CFAP20DC: variants seen among roughly 807,000 people sequenced by gnomAD.
CFAP20DC encodes CFAP20 domain containing, also known as protein CFAP20DC.
Under a neutral mutation model 101.7 loss-of-function variants are expected in CFAP20DC, and 84 were observed. The ratio of observed to expected loss-of-function variants is 0.83; its 90% confidence interval spans 0.69 to 0.99. The LOEUF (loss-of-function observed/expected upper bound fraction) is 0.99. Among genes scored for constraint, CFAP20DC ranks in the 50% least tolerant of loss-of-function variants. The pLI is 0.00. For synonymous variants in CFAP20DC, 359 were observed against 351.2 expected (o/e 1.02, Z -0.25); for missense variants, 1,007 against 970.3 (o/e 1.04, Z -0.50).
intron 4 of CFAP20DC, among the ~76,000 whole-genome samples, chr3:58,965,580 A>G (rs954538679): frequency 2.0e-5 from 3 of 152,202 alleles, no homozygotes; most frequent in Non-Finnish European, 2.9e-5. Flanking sequence ...TGAGCTTTAC[A>G]TAGTTGTAAA....
chr3:58,883,894 T>C lies in CFAP20DC; in HGVS notation c.715+651A>G, dbSNP rs1329320813. Among the ~76,000 whole-genome samples the C allele has an allele frequency of 2.0e-5, 3 of 152,192 alleles. No homozygotes were observed. The East Asian group carries it at 5.8e-4, about 29-fold the overall frequency. On this transcript the variant is annotated intron_variant, in intron 7 of 16. Transcript: ENST00000482387. ...TCTAGACAATATTAAATTTCTTCATTTGTAAGTACTACTCATTAATTTGGT... is the reference window on the plus strand; with the variant it reads ...TCTAGACAATATTAAATTTCTTCATCTGTAAGTACTACTCATTAATTTGGT...
intron 4 of CFAP20DC, among the ~76,000 whole-genome samples, chr3:58,962,924 T>TG (rs1389940815): frequency 6.6e-6 from 1 of 152,028 alleles, no homozygotes; most frequent in African/African-American, 2.4e-5. Flanking sequence ...GCCAGTCTAC[T>TG]GCTTGCCCCA....
At chr3:58,889,353 G>C (rs2081955245) in intron 6 of CFAP20DC, among the ~76,000 whole-genome samples, 2 of 152,064 alleles carry the variant, frequency 1.3e-5, no homozygotes, top group Admixed American at 6.5e-5. Flanking sequence ...ACCTAACCCA[G>C]TGGCCAATAG....
chr3:58,954,105 C>G (rs572324743), intron 4 of CFAP20DC, among the ~76,000 whole-genome samples: 2 of 152,296 alleles, frequency 1.3e-5, no homozygotes, highest in South Asian at 4.1e-4. Context: ...TTAACATCTA[C>G]ATTTGCAAAC....
downstream of CFAP20DC, chr3:58,741,955 G>A: frequency 4.8e-6 from 2 of 413,592 alleles, no homozygotes; most frequent in Non-Finnish European, 6.5e-6. Context: ...TATCATATAG[G>A]AATATTCTGG....
intron 13 of CFAP20DC, among the ~76,000 whole-genome samples, chr3:58,842,669 A>C (rs1015886442): frequency 6.6e-6 from 1 of 152,248 alleles, no homozygotes; most frequent in Non-Finnish European, 1.5e-5. Flanking sequence ...GCCACAGCTC[A>C]AGGAGGCCTG....
chr3:58,806,542 G>A (rs2074072305), intron 14 of CFAP20DC, 86 bp from the exon 15 acceptor site: 3 of 965,606 alleles, frequency 3.1e-6, no homozygotes, highest in Non-Finnish European at 5.0e-6. Flanking sequence ...TACTGTAACT[G>A]TTTCCTCAGA....
At chr3:58,969,893 G>A (rs533056344) in intron 4 of CFAP20DC, among the ~76,000 whole-genome samples, 1 of 152,222 alleles carries the variant, frequency 6.6e-6, no homozygotes, top group African/African-American at 2.4e-5. Flanking sequence ...CTGCTAATGG[G>A]TACAGGTACT....
intron 13 of CFAP20DC, among the ~76,000 whole-genome samples, chr3:58,843,185 G>A (rs868373440): frequency 6.6e-6 from 1 of 152,182 alleles, no homozygotes; most frequent in Non-Finnish European, 1.5e-5. Flanking sequence ...TGAGCTGAGA[G>A]AAGAAGGCTT....
chr3:58,747,164 C>T (rs1401835662), intron 16 of CFAP20DC, among the ~76,000 whole-genome samples: 3 of 152,082 alleles, frequency 2.0e-5, no homozygotes, highest in African/African-American at 7.2e-5. Context: ...ATTTTTTTCT[C>T]TTCTACACAC....
rs1291713906 is a variant in CFAP20DC at position 58,729,840 on chromosome 3, G to A, written c.198-12212C>T. 6.6e-6 allele frequency among the ~76,000 whole-genome samples: 1 copy of A among 151,964 alleles called. No homozygotes were observed. The highest frequency in any genetic ancestry group is 1.5e-5 in the Non-Finnish European group (1 of 67,996). ...TCGAGACCAGCGTGACCAACACGGA[G>A]AAACCCTGTCTCTACTAAAAATACA... is the stretch of plus-strand genomic sequence containing the variant. On this transcript the variant is annotated intron_variant, in intron 3 of 3. Transcript: ENST00000486145. The surrounding 1 kb of genome is among the most constrained non-coding windows in gnomAD (Gnocchi z 4.4).
chr3:58,818,026 T>C (rs1387596004), intron 14 of CFAP20DC, among the ~76,000 whole-genome samples: 1 of 150,956 alleles, frequency 6.6e-6, no homozygotes, highest in African/African-American at 2.5e-5. Context: ...CAGAATTTCA[T>C]ATCCAGCCAA....
chr3:58,737,041 A>G (rs1438003846), downstream of CFAP20DC: 3 of 338,578 alleles, frequency 8.9e-6, no homozygotes, highest in African/African-American at 4.3e-5. The surrounding 1 kb of genome is among the most constrained non-coding windows in gnomAD (Gnocchi z 4.1). Flanking sequence ...ATCCTTTGTT[A>G]TAAGTTAACC....
In CFAP20DC at chr3:58,892,157, A is replaced by G. The variant is rs996054297; in HGVS notation, c.551-7448T>C. Among the ~76,000 whole-genome samples, 1 of 152,074 alleles carries G rather than the reference A, an allele frequency of 6.6e-6. No individual in the cohort carries two copies. The highest frequency in any genetic ancestry group is 2.4e-5 in the African/African-American group (1 of 41,408). On this transcript the variant is annotated intron_variant, in intron 6 of 16. Transcript: ENST00000482387. This position sits in a 1 kb window ranked among gnomAD's most constrained non-coding sequence, Gnocchi z 4.0. ...CAGATGGCTGTAGATGTGTGGCCTT[A>G]TTTCTAGGCTCTCTATTCTCTTCCA...
intron 15 of CFAP20DC, among the ~76,000 whole-genome samples, chr3:58,779,339 GA>G (rs1264028789): frequency 1.3e-5 from 2 of 152,088 alleles, no homozygotes; most frequent in Non-Finnish European, 2.9e-5. Context: ...CATGCAAATG[GA>G]AACCAAAGGT....
At chr3:58,928,804 T>C (rs1439443713) in intron 5 of CFAP20DC, among the ~76,000 whole-genome samples, 1 of 152,226 alleles carries the variant, frequency 6.6e-6, no homozygotes, top group African/African-American at 2.4e-5. Flanking sequence ...ATGACTGTTT[T>C]GCTTTTTAAA....
intron 15 of CFAP20DC, among the ~76,000 whole-genome samples, chr3:58,763,762 G>A (rs1432602498): frequency 6.6e-6 from 1 of 152,224 alleles, no homozygotes; most frequent in African/African-American, 2.4e-5. Flanking sequence ...TAACAGTCAG[G>A]ACCCTCAGCT....
chr3:58,997,496 AG>A (rs1371646339), intron 4 of CFAP20DC, among the ~76,000 whole-genome samples: 5 of 152,200 alleles, frequency 3.3e-5, no homozygotes, highest in African/African-American at 1.2e-4. Context: ...CCAAAGACAA[AG>A]GCTGTACTAA....
At chr3:58,837,325 C>T (rs1275942750) in intron 13 of CFAP20DC, among the ~76,000 whole-genome samples, 1 of 152,116 alleles carries the variant, frequency 6.6e-6, no homozygotes, top group Non-Finnish European at 1.5e-5. Context: ...TATAATCACA[C>T]AGTGGAACAC....
Sources: allele counts gnomAD v4.1 joint callset (sites outside exome capture counted in the v4.1 genomes callset), GRCh38; gene constraint gnomAD v4.1.1; non-coding constraint Gnocchi (gnomAD v3.1); transcripts MANE v1.5; gene names NCBI Gene and HGNC (gene_info 2026-07-23, HGNC 2026-07-21).